Variants in GALNT13 observed in about 807,000 individuals in gnomAD.
The protein encoded by GALNT13 is polypeptide N-acetylgalactosaminyltransferase 13, also known as UDP-GalNAc:polypeptide N-acetylgalactosaminyltransferase 13.
Under a neutral mutation model 64.2 loss-of-function variants are expected in GALNT13, and 28 were observed. The observed-to-expected ratio is 0.44, with a 90% CI of 0.32 to 0.60. The LOEUF is 0.60. Among genes scored for constraint, GALNT13 ranks in the 20% least tolerant of loss-of-function variants. The probability of loss-of-function intolerance (pLI) is 0.05; values close to 1 mark genes in which losing one functional copy is unlikely to be tolerated. For missense variants in GALNT13, 577 were observed against 669.8 expected, an observed-to-expected ratio of 0.86 and a Z score of 1.53; for synonymous variants, 214 against 224.6, an observed-to-expected ratio of 0.95 and a Z score of 0.42.
At chr2:153,233,029 T>A in the GALNT13 span, among the ~76,000 whole-genome samples, 1 of 152,300 alleles carries the variant, frequency 6.6e-6, no homozygotes, top group South Asian at 2.1e-4. Context: ...TCAGCACTAA[T>A]CAGAAATTAG....
chr2:154,411,168 A>G (rs193168662), intron 11 of GALNT13, among the ~76,000 whole-genome samples: 30 of 152,022 alleles, frequency 2.0e-4, no homozygotes, highest in African/African-American at 7.0e-4. Context: ...GTATATAAAA[A>G]CAGCTCAGGG....
chr2:153,251,368 T>C, the GALNT13 span, among the ~76,000 whole-genome samples: 1 of 152,254 alleles, frequency 6.6e-6, no homozygotes, highest in African/African-American at 2.4e-5. Context: ...CTAAGGCTTC[T>C]TTTCATCCAT....
chr2:153,492,881 C>T, the GALNT13 span, among the ~76,000 whole-genome samples: 5 of 151,782 alleles, frequency 3.3e-5, no homozygotes, highest in Non-Finnish European at 7.4e-5. Flanking sequence ...TATTCATTTA[C>T]AATAAAACAT....
the GALNT13 span, among the ~76,000 whole-genome samples, chr2:153,304,371 A>G: frequency 4.6e-5 from 7 of 152,104 alleles, no homozygotes; most frequent in Non-Finnish European, 7.4e-5. Context: ...ACAAAGAAAT[A>G]AAATTGATTG....
intron 3 of GALNT13, among the ~76,000 whole-genome samples, chr2:153,987,261 T>C (rs950878677): frequency 2.2e-4 from 34 of 151,996 alleles, no homozygotes; most frequent in African/African-American, 7.7e-4. Flanking sequence ...AAGAATTGGC[T>C]GGGAGTAAAA....
the GALNT13 span, among the ~76,000 whole-genome samples, chr2:153,772,480 G>A: frequency 6.6e-6 from 1 of 152,112 alleles, no homozygotes; most frequent in African/African-American, 2.4e-5. Context: ...TCAGCTGAAT[G>A]CCATCACGGG....
At chr2:153,846,789 C>A in the GALNT13 span, among the ~76,000 whole-genome samples, 1 of 151,992 alleles carries the variant, frequency 6.6e-6, no homozygotes, top group Non-Finnish European at 1.5e-5. Context: ...ATTTTTCCTA[C>A]AGGGTATGAA....
chr2:153,305,031 TG>T, the GALNT13 span, among the ~76,000 whole-genome samples: 1 of 152,260 alleles, frequency 6.6e-6, no homozygotes, highest in East Asian at 1.9e-4. Flanking sequence ...AATATAATTT[TG>T]GGGGGTAATT....
intron 7 of GALNT13, among the ~76,000 whole-genome samples, chr2:154,257,305 A>G (rs1690432887): frequency 6.6e-6 from 1 of 152,156 alleles, no homozygotes; most frequent in Admixed American, 6.5e-5. Flanking sequence ...GTACTTTATC[A>G]GTAAGTAGAT....
At chr2:153,298,121 G>A in the GALNT13 span, among the ~76,000 whole-genome samples, 1 of 152,106 alleles carries the variant, frequency 6.6e-6, no homozygotes, top group African/African-American at 2.4e-5. Context: ...TTTTGTTACT[G>A]CTGCTTCTGT....
the GALNT13 span, among the ~76,000 whole-genome samples, chr2:153,518,842 T>C: frequency 6.6e-6 from 1 of 152,100 alleles, no homozygotes; most frequent in Admixed American, 6.6e-5. Flanking sequence ...TTCATATGAA[T>C]TGAGAGCTCT....
the GALNT13 span, among the ~76,000 whole-genome samples, chr2:153,206,149 T>A: frequency 2.6e-5 from 4 of 152,100 alleles, no homozygotes; most frequent in Non-Finnish European, 5.9e-5. Flanking sequence ...CCTGGTACTA[T>A]AATAAGGAAC....
chr2:154,227,060 C>A (rs1185756144), intron 4 of GALNT13, among the ~76,000 whole-genome samples: 1 of 152,050 alleles, frequency 6.6e-6, no homozygotes, highest in East Asian at 1.9e-4. Context: ...TCTAAAGATG[C>A]AACTGTTCCT....
the GALNT13 span, among the ~76,000 whole-genome samples, chr2:153,484,628 AAC>A: frequency 6.6e-6 from 1 of 152,214 alleles, no homozygotes; most frequent in African/African-American, 2.4e-5. Context: ...ATTAGTTCTC[AAC>A]TTTGGCTACA....
chr2:154,026,585 G>T (rs1001391038), intron 3 of GALNT13, among the ~76,000 whole-genome samples: 4 of 152,268 alleles, frequency 2.6e-5, no homozygotes, highest in African/African-American at 9.6e-5. Context: ...TTCCTGACTT[G>T]CAGTGGTCAC....
the GALNT13 span, among the ~76,000 whole-genome samples, chr2:153,555,612 G>A: frequency 1.3e-5 from 2 of 152,176 alleles, no homozygotes; most frequent in South Asian, 2.1e-4. Flanking sequence ...ACTATCTTGT[G>A]AGGTGGTTAC....
At chr2:153,268,470 T>C in the GALNT13 span, among the ~76,000 whole-genome samples, 1 of 152,210 alleles carries the variant, frequency 6.6e-6, no homozygotes, top group East Asian at 1.9e-4. Context: ...CCTGACTGCT[T>C]TCATGTGGGG....
chr2:153,528,212 C>T, the GALNT13 span, among the ~76,000 whole-genome samples: 853 of 151,528 alleles, frequency 5.6e-3, 8 homozygotes, highest in African/African-American at 0.02. Flanking sequence ...CATACATAAA[C>T]TGAAAGTAAA....
the GALNT13 span, among the ~76,000 whole-genome samples, chr2:153,399,193 T>C: frequency 6.8e-6 from 1 of 147,108 alleles, no homozygotes; most frequent in Non-Finnish European, 1.5e-5. Context: ...CCTTTCCCCA[T>C]TGCTTGTTTT....
Sources: allele counts gnomAD v4.1 joint callset (sites outside exome capture counted in the v4.1 genomes callset), GRCh38; gene constraint gnomAD v4.1.1; transcripts MANE v1.5; gene names NCBI Gene and HGNC (gene_info 2026-07-23, HGNC 2026-07-21).